CFAP299: variants seen among roughly 807,000 people sequenced by gnomAD.
CFAP299 encodes the protein cilia and flagella associated protein 299, also known as cilia- and flagella-associated protein 299.
CFAP299 carries 21 observed loss-of-function variants against 27.0 expected under a neutral mutation model. The ratio of observed to expected loss-of-function variants is 0.78; its 90% CI spans 0.55 to 1.12. CFAP299 has a LOEUF of 1.12. Ranked by LOEUF, CFAP299 falls within the 50% of genes most tolerant of loss-of-function variation. CFAP299 has a pLI of 0.00. For synonymous variants in CFAP299, 104 were observed against 98.1 expected, an observed-to-expected ratio of 1.06 and a Z score of -0.36; for missense variants, 310 against 276.6, an observed-to-expected ratio of 1.12 and a Z score of -0.86.
chr4:80,628,839 C>T (rs182218329), intron 3 of CFAP299, among the ~76,000 whole-genome samples: 13 of 152,168 alleles, frequency 8.5e-5, no homozygotes, highest in South Asian at 2.1e-4. Context: ...GCAAAATGTG[C>T]GGCAAAGGGA....
chr4:80,674,832 C>A (rs1185567050), intron 3 of CFAP299, among the ~76,000 whole-genome samples: 2 of 152,154 alleles, frequency 1.3e-5, no homozygotes, highest in African/African-American at 4.8e-5. Flanking sequence ...GAAGCTTATG[C>A]ATGCATCACG....
intron 3 of CFAP299, among the ~76,000 whole-genome samples, chr4:80,770,255 T>A (rs1295328223): frequency 6.6e-6 from 1 of 152,188 alleles, no homozygotes. Flanking sequence ...TAACCTCTTC[T>A]TCATTTTTTG....
intron 3 of CFAP299, among the ~76,000 whole-genome samples, chr4:80,800,351 T>C (rs1728386663): frequency 2.8e-5 from 2 of 71,624 alleles, no homozygotes; most frequent in Non-Finnish European, 4.6e-5. Flanking sequence ...ATATATAATA[T>C]ATATGATATA....
chr4:80,538,044 AC>A (rs1733828050), intron 2 of CFAP299, among the ~76,000 whole-genome samples: 2 of 152,158 alleles, frequency 1.3e-5, no homozygotes, highest in South Asian at 4.1e-4. Context: ...GACTGCATAA[AC>A]CATGGCCCAT....
At chr4:80,742,457 A>C (rs550054779) in intron 3 of CFAP299, among the ~76,000 whole-genome samples, 2 of 152,216 alleles carry the variant, frequency 1.3e-5, no homozygotes, top group African/African-American at 4.8e-5. Context: ...AGAATATAAA[A>C]TAAATTCCTT....
At chr4:80,509,955 A>C (rs146203044) in intron 2 of CFAP299, among the ~76,000 whole-genome samples, 22 of 151,670 alleles carry the variant, frequency 1.5e-4, no homozygotes, top group African/African-American at 5.1e-4. Context: ...ATTCTTCACC[A>C]TCAGTATCAG....
At chr4:80,475,930 T>C (rs187809740) in intron 2 of CFAP299, among the ~76,000 whole-genome samples, 2 of 152,170 alleles carry the variant, frequency 1.3e-5, no homozygotes, top group African/African-American at 4.8e-5. Flanking sequence ...GCCAGGAGAA[T>C]GTGACGACCC....
In CFAP299 at chr4:80,871,767, T is replaced by C. The variant is rs1447561262; in HGVS notation, c.476+1632T>C. On this transcript the variant is annotated intron_variant, in intron 4 of 5. Coordinates refer to ENST00000358105, the MANE Select transcript of CFAP299 (RefSeq NM_152770.3). ...ATGGATCTTTATCTGATACCATTTT[T>C]AAAGAAAACATCTTGGCATTATCAT... is the stretch of plus-strand genomic sequence containing the variant. 4 of 440,518 alleles carry C rather than the reference T, an allele frequency of 9.1e-6. No individual in the cohort carries two copies. The Admixed American group carries it at 1.9e-4, about 21-fold the overall frequency. 27.3% of individuals were successfully genotyped at this position (440,518 alleles called of 1,614,324 possible).
chr4:80,626,819 C>A (rs1356198399), intron 3 of CFAP299, among the ~76,000 whole-genome samples: 9 of 151,486 alleles, frequency 5.9e-5, no homozygotes, highest in Non-Finnish European at 1.3e-4. Flanking sequence ...CTTTACAGAC[C>A]AATAACCAGT....
intron 3 of CFAP299, among the ~76,000 whole-genome samples, chr4:80,606,266 G>A (rs978227674): frequency 6.6e-6 from 1 of 152,200 alleles, no homozygotes; most frequent in African/African-American, 2.4e-5. Context: ...GCTGGGCGTG[G>A]TGGCTCACGC....
intron 3 of CFAP299, among the ~76,000 whole-genome samples, chr4:80,594,575 A>G (rs1484032372): frequency 1.3e-5 from 2 of 152,146 alleles, no homozygotes; most frequent in Admixed American, 6.5e-5. Flanking sequence ...CTTGCTTTAT[A>G]TGTCATTTTC....
At chr4:80,546,099 A>G (rs548891376) in intron 2 of CFAP299, among the ~76,000 whole-genome samples, 1 of 152,302 alleles carries the variant, frequency 6.6e-6, no homozygotes, top group Non-Finnish European at 1.5e-5. Flanking sequence ...ACATATCTCA[A>G]AATAATAACA....
At position 80,947,089 on chromosome 4, in the gene CFAP299, C is replaced by G. The variant is rs182014900; in HGVS notation, c.606+2150C>G. 4.0e-3 allele frequency among the ~76,000 whole-genome samples: 616 copies of G among 152,208 alleles called. 1 individual carries two copies. Among genetic ancestry groups the G allele is most frequent in the Middle Eastern group, 0.014 (4 of 294 alleles). ...TGAATGTGAACTGTTGCTTAAACAT[C>G]GTTCAAATAATTTTAACTCAAACTC... On this transcript the variant is annotated intron_variant, in intron 5 of 5. Transcript: ENST00000358105.
At chr4:80,636,865 G>A (rs778367703) in intron 3 of CFAP299, among the ~76,000 whole-genome samples, 17 of 152,122 alleles carry the variant, frequency 1.1e-4, no homozygotes, top group Admixed American at 2.0e-4. Context: ...CTTGTTCCTT[G>A]TAGAGAAAGT....
chr4:80,738,617 C>A (rs1461721590), intron 3 of CFAP299, among the ~76,000 whole-genome samples: 2 of 149,062 alleles, frequency 1.3e-5, no homozygotes, highest in African/African-American at 4.9e-5. Flanking sequence ...ATTCTGTGAA[C>A]TTTATAGGTG....
intron 2 of CFAP299, among the ~76,000 whole-genome samples, chr4:80,574,313 A>G (rs186900961): frequency 1.3e-5 from 2 of 152,278 alleles, no homozygotes; most frequent in East Asian, 3.9e-4. Context: ...GTATTCTGCA[A>G]CATTACTGAA....
At chr4:80,522,757 C>A (rs1732985904) in intron 2 of CFAP299, among the ~76,000 whole-genome samples, 1 of 152,098 alleles carries the variant, frequency 6.6e-6, no homozygotes, top group Non-Finnish European at 1.5e-5. Context: ...AGAAGCTATT[C>A]TTTCCCAGTT....
intron 3 of CFAP299, among the ~76,000 whole-genome samples, chr4:80,739,489 A>G (rs1339797258): frequency 1.3e-5 from 2 of 152,040 alleles, no homozygotes; most frequent in African/African-American, 4.8e-5. Context: ...TTCGTTCATC[A>G]TTTTAAATAT....
intron 3 of CFAP299, among the ~76,000 whole-genome samples, chr4:80,792,420 T>C (rs185209443): frequency 6.6e-6 from 1 of 152,126 alleles, no homozygotes; most frequent in Admixed American, 6.6e-5. Context: ...TACAAAAACA[T>C]CCCTCCCAGA....
Sources: gnomAD v4.1 joint callset for allele counts (sites outside exome capture counted in the v4.1 genomes callset) on GRCh38, gnomAD v4.1.1 for gene constraint, MANE v1.5 for transcripts, NCBI Gene and HGNC (gene_info 2026-07-23, HGNC 2026-07-21) for gene names.